Variants in ELN observed in about 807,000 individuals in gnomAD.
The protein encoded by ELN is tropoelastin.
ELN carries 65 observed loss-of-function variants against 105.8 expected under a neutral mutation model. The ratio of observed to expected loss-of-function variants is 0.61; its 90% CI spans 0.50 to 0.75. The LOEUF is 0.75. Ranked by LOEUF, ELN falls within the 30% of genes least tolerant of loss-of-function variation. The pLI, the probability that ELN is intolerant of heterozygous loss-of-function variation, is 0.00. For missense variants in ELN, 882 were observed against 969.4 expected, an observed-to-expected ratio of 0.91 and a Z score of 1.20; for synonymous variants, 368 against 389.2, an observed-to-expected ratio of 0.95 and a Z score of 0.64.
At chr7:74,060,620 T>A in intron 25 of ELN, 119 bp downstream of exon 25, 1 of 1,569,466 alleles carries the variant, frequency 6.4e-7, no homozygotes, top group Non-Finnish European at 8.6e-7. Flanking sequence ...AAAATCCTTG[T>A]TAGGTTCTCC....
intron 2 of ELN, 133 bp downstream of exon 2, chr7:74,035,547 C>A (rs1246386178): frequency 9.2e-7 from 1 of 1,084,830 alleles, no homozygotes; most frequent in Non-Finnish European, 1.4e-6. Flanking sequence ...CTTAAAAATG[C>A]AATTAACAAG....
intron 5 of ELN, among the ~76,000 whole-genome samples, chr7:74,042,080 A>G (rs1322677666): frequency 2.0e-5 from 3 of 151,820 alleles, no homozygotes; most frequent in Non-Finnish European, 4.4e-5. Context: ...AAAAAGAGCC[A>G]TGCAGTTTTG....
In ELN at chr7:74,068,750, T is replaced by C. The variant is rs914657702; in HGVS notation, c.*50T>C. 6.2e-7 allele frequency: 1 copy of C among 1,607,170 alleles called. No individual in the cohort carries two copies. Among genetic ancestry groups the C allele is most frequent in the Admixed American group, 1.7e-5 (1 of 59,982 alleles). On this transcript the variant is annotated 3_prime_UTR_variant, in exon 33 of 33. Transcript: ENST00000252034. ...ACCTCATCAACGTTGGTGCTACTGCTTGGTGGAGAATGTAAACCCTTTGTA... is the reference window on the plus strand; with the variant it reads ...ACCTCATCAACGTTGGTGCTACTGCCTGGTGGAGAATGTAAACCCTTTGTA...
chr7:74,036,610 A>T, intron 3 of ELN, 26 bp downstream of exon 3: 1 of 1,614,040 alleles, frequency 6.2e-7, no homozygotes, highest in Admixed American at 1.7e-5. Context: ...ACACTTGTTC[A>T]TCACTGAAAG....
chr7:74,066,618 G>A (rs1313076779), intron 31 of ELN, 114 bp from the exon 32 acceptor site: 30 of 887,814 alleles, frequency 3.4e-5, no homozygotes, highest in Non-Finnish European at 4.9e-5. Flanking sequence ...GGGGGGGATG[G>A]AGAGGAGGTG....
At chr7:74,064,483 A>G (rs1307877409) in intron 29 of ELN, among the ~76,000 whole-genome samples, 4 of 147,536 alleles carry the variant, frequency 2.7e-5, no homozygotes, top group Non-Finnish European at 4.5e-5. Flanking sequence ...GGGCATGGTG[A>G]CACACGCCTG....
intron 14 of ELN, 147 bp from the exon 15 acceptor site, chr7:74,048,356 G>A: frequency 2.0e-6 from 3 of 1,488,198 alleles, no homozygotes; most frequent in Non-Finnish European, 2.8e-6. Context: ...GGAGGAGTGG[G>A]GCAGCTCCAT....
Position 74,046,777 on chromosome 7 carries a change from A to C in ELN, c.643+10A>C, listed in dbSNP as rs782647522. ...GCCCCCAAGCTGCCTGGTAAGTCAG[A>C]GGGACGGTTCAAGATGCACCACTCG... is the stretch of plus-strand genomic sequence containing the variant. On this transcript the variant is annotated intron_variant, in intron 12 of 32. Transcript: ENST00000252034. 4.3e-6 allele frequency: 7 copies of C among 1,613,864 alleles called. No homozygotes were observed. The African/African-American group carries it at 6.7e-5, about 15-fold the overall frequency.
rs1796545205 is a variant in ELN at position 74,061,084 on chromosome 7, C to T, written c.1748-17C>T. On this transcript the variant is annotated splice_polypyrimidine_tract_variant and intron_variant, in intron 25 of 32. Coordinates refer to ENST00000252034, the MANE Select transcript of ELN (RefSeq NM_000501.4). The stretch of plus-strand genomic sequence containing the variant: ...AGCTCGGCTCCTGACCACTCCCCAA[C>T]TTTTCTTTCTCCCCAGTACCTGGAG... 1 of 1,614,020 alleles carries T rather than the reference C, an allele frequency of 6.2e-7. No homozygotes were observed. The highest frequency in any genetic ancestry group is 1.7e-5 in the Admixed American group (1 of 60,004).
intron 9 of ELN, 127 bp from the exon 10 acceptor site, chr7:74,045,095 G>A (rs1170492829): frequency 2.0e-5 from 21 of 1,030,686 alleles, no homozygotes; most frequent in African/African-American, 7.9e-5. Flanking sequence ...CACCCACCCC[G>A]TGAGCCGTGC....
chr7:74,039,381 G>A (rs1279343830), intron 4 of ELN, among the ~76,000 whole-genome samples: 1 of 152,206 alleles, frequency 6.6e-6, no homozygotes. Context: ...AAGACTCAGG[G>A]CTACAGAAGG....
At chr7:74,045,101 C>G in intron 9 of ELN, 121 bp from the exon 10 acceptor site, 1 of 1,091,798 alleles carries the variant, frequency 9.2e-7, no homozygotes, top group East Asian at 2.4e-5. Flanking sequence ...CCCCGTGAGC[C>G]GTGCCTGTCA....
At chr7:74,043,775 G>T in intron 8 of ELN, 104 bp from the exon 9 acceptor site, 2 of 1,467,618 alleles carry the variant, frequency 1.4e-6, no homozygotes, top group Non-Finnish European at 1.9e-6. Flanking sequence ...CGGGCACAGA[G>T]GCTGTGGGTT....
At chr7:74,064,063 A>C (rs1554687231) in intron 29 of ELN, among the ~76,000 whole-genome samples, 7 of 151,372 alleles carry the variant, frequency 4.6e-5, no homozygotes. Context: ...AGATGGTACC[A>C]CTGCATTCCA....
chr7:74,047,199 G>T (rs1554672982), intron 12 of ELN, among the ~76,000 whole-genome samples: 2 of 152,158 alleles, frequency 1.3e-5, no homozygotes, highest in African/African-American at 4.8e-5. Context: ...GCCCCTGTAT[G>T]GTCACCAGCC....
chr7:74,049,578 C>A (rs1380303114), intron 15 of ELN, among the ~76,000 whole-genome samples: 1 of 151,712 alleles, frequency 6.6e-6, no homozygotes, highest in African/African-American at 2.4e-5. Flanking sequence ...CCCATCCATC[C>A]ATTTCTCCAT....
At position 74,035,359 on chromosome 7, in the gene ELN, T is replaced by A; in HGVS notation, c.83-5T>A. The A allele has an allele frequency of 6.2e-7, 1 of 1,614,046 alleles. No homozygotes were observed. Among genetic ancestry groups the A allele is most frequent in the Non-Finnish European group, 8.5e-7 (1 of 1,179,984 alleles). ...GGAGGACTGACTCTACCTGTTTCCTTTCAGGGGTCCCTGGGGCCATTCCTG... is the reference window on the plus strand; with the variant it reads ...GGAGGACTGACTCTACCTGTTTCCTATCAGGGGTCCCTGGGGCCATTCCTG... On this transcript the variant is annotated splice_region_variant and splice_polypyrimidine_tract_variant and intron_variant, in intron 1 of 32. Coordinates refer to ENST00000252034, the MANE Select transcript of ELN (RefSeq NM_000501.4).
At position 74,068,710 on chromosome 7, in the gene ELN, G is replaced by A. The variant is rs782307877; in HGVS notation, c.*10G>A. 1 of 1,613,982 alleles carries A rather than the reference G, an allele frequency of 6.2e-7. No individual in the cohort carries two copies. The highest frequency in any genetic ancestry group is 1.3e-5 in the African/African-American group (1 of 74,998). On this transcript the variant is annotated 3_prime_UTR_variant, in exon 33 of 33. Transcript: ENST00000252034. ...CCGGAAGAGAAAATGAGCTTCCTAG[G>A]ACCCCTGACTCACGACCTCATCAAC...
chr7:74,045,547 T>C (rs1792268056), intron 10 of ELN, among the ~76,000 whole-genome samples: 1 of 152,102 alleles, frequency 6.6e-6, no homozygotes, highest in African/African-American at 2.4e-5. Flanking sequence ...AAGACCAGCC[T>C]GGGCAACATA....
Sources: gnomAD v4.1 joint callset for allele counts (sites outside exome capture counted in the v4.1 genomes callset) on GRCh38, gnomAD v4.1.1 for gene constraint, MANE v1.5 for transcripts, NCBI Gene and HGNC (gene_info 2026-07-23, HGNC 2026-07-21) for gene names.